The following KPNA7 variants were observed in gnomAD, a reference collection of about 807,000 sequenced individuals.
KPNA7 encodes the protein importin subunit alpha-8.
In KPNA7, 54 loss-of-function variants were observed where a neutral mutation model predicts 53.7. The observed-to-expected ratio is 1.01, with a 90% CI of 0.81 to 1.26. The LOEUF (loss-of-function observed/expected upper bound fraction) is 1.26. Ranked by LOEUF, KPNA7 falls within the 50% of genes most tolerant of loss-of-function variation. The pLI is 0.00. For synonymous variants in KPNA7, 276 were observed against 259.3 expected, an observed-to-expected ratio of 1.06 and a Z score of -0.62; for missense variants, 640 against 644.5, an observed-to-expected ratio of 0.99 and a Z score of 0.07.
chr7:99,183,895 G>T (rs901226212), intron 8 of KPNA7, among the ~76,000 whole-genome samples: 75 of 152,088 alleles, frequency 4.9e-4, no homozygotes, highest in African/African-American at 1.8e-3. Flanking sequence ...GCCCAGGCTG[G>T]AGTATAGTGG....
the KPNA7 span, among the ~76,000 whole-genome samples, chr7:99,148,462 G>A: frequency 2.6e-5 from 4 of 152,226 alleles, no homozygotes; most frequent in South Asian, 8.3e-4. Flanking sequence ...GGAAACTCTG[G>A]ACTCCTTCCT....
At chr7:99,167,613 C>CCTT in the KPNA7 span, among the ~76,000 whole-genome samples, 1 of 67,040 alleles carries the variant, frequency 1.5e-5, no homozygotes, top group African/African-American at 6.6e-5. Flanking sequence ...TCACACCCAA[C>CCTT]TTTTTTTTTT....
chr7:99,197,424 A>G (rs1342101203), intron 3 of KPNA7, among the ~76,000 whole-genome samples: 4 of 152,248 alleles, frequency 2.6e-5, no homozygotes, highest in African/African-American at 4.8e-5. Context: ...AGTTTTCAAC[A>G]AAGATTGTGA....
chr7:99,179,288 G>C (rs143039220), intron 9 of KPNA7, among the ~76,000 whole-genome samples: 1 of 152,226 alleles, frequency 6.6e-6, no homozygotes, highest in Non-Finnish European at 1.5e-5. Flanking sequence ...TGGACACAGT[G>C]GCCCATTCCT....
chr7:99,206,993 A>G (rs374852507), intron 2 of KPNA7, among the ~76,000 whole-genome samples: 4 of 152,156 alleles, frequency 2.6e-5, no homozygotes, highest in East Asian at 3.9e-4. Flanking sequence ...ATCTTTTGCT[A>G]TATTTGCCTT....
chr7:99,184,154 CTTTTT>C (rs34193595), intron 8 of KPNA7, among the ~76,000 whole-genome samples: 2 of 125,240 alleles, frequency 1.6e-5, no homozygotes, highest in Admixed American at 8.6e-5. Context: ...TGCCCACAAC[CTTTTT>C]TTTTTTTTTT....
chr7:99,181,652 G>A (rs546328137), intron 9 of KPNA7, among the ~76,000 whole-genome samples: 3 of 152,182 alleles, frequency 2.0e-5, no homozygotes, highest in East Asian at 3.9e-4. Context: ...GGTTTCAAGC[G>A]ATTCTCCCAC....
chr7:99,173,829 G>A (rs1197700502), intron 10 of KPNA7, 35 bp from the exon 11 acceptor site: 1 of 1,260,752 alleles, frequency 7.9e-7, no homozygotes, highest in African/African-American at 1.5e-5. Flanking sequence ...ATACCTCCAG[G>A]ATTCTCAGCA....
chr7:99,185,695 C>G (rs2150727215), intron 7 of KPNA7, among the ~76,000 whole-genome samples: 1 of 152,256 alleles, frequency 6.6e-6, no homozygotes, highest in South Asian at 2.1e-4. Flanking sequence ...TCAAGTGGGA[C>G]AGAAATACCC....
intron 10 of KPNA7, 142 bp from the exon 11 acceptor site, chr7:99,173,936 G>A (rs1010295396): frequency 6.0e-5 from 35 of 586,516 alleles, no homozygotes; most frequent in Non-Finnish European, 7.3e-5. Flanking sequence ...AAGTACATTC[G>A]CATTGTTGCG....
intron 6 of KPNA7, among the ~76,000 whole-genome samples, chr7:99,192,326 C>A (rs1789998307): frequency 6.6e-6 from 1 of 152,176 alleles, no homozygotes; most frequent in Non-Finnish European, 1.5e-5. Context: ...TCTTCCAATG[C>A]CGCAAAGAGA....
chr7:99,183,913 G>A (rs556128330), intron 8 of KPNA7, among the ~76,000 whole-genome samples: 12 of 152,030 alleles, frequency 7.9e-5, no homozygotes, highest in East Asian at 1.9e-4. Context: ...TGGCATGATC[G>A]TGGCTCACTG....
chr7:99,206,985 CT>C (rs2150777929), intron 2 of KPNA7, among the ~76,000 whole-genome samples: 1 of 152,146 alleles, frequency 6.6e-6, no homozygotes, highest in East Asian at 1.9e-4. Flanking sequence ...TCTAAAGAAT[CT>C]TTTGCTATAT....
upstream of KPNA7, among the ~76,000 whole-genome samples, chr7:99,208,255 TTTTA>T (rs760070522): frequency 7.9e-5 from 12 of 151,516 alleles, no homozygotes; most frequent in East Asian, 3.9e-4. Context: ...TTTTTATTTA[TTTTA>T]TTTATTTATT....
In KPNA7 at chr7:99,207,454, C is replaced by G. The variant is rs1469867589; in HGVS notation, c.13G>C (p.Asp5His). The G allele has an allele frequency of 6.4e-7, 1 of 1,551,196 alleles. No homozygotes were observed. Among genetic ancestry groups the G allele is most frequent in the African/African-American group, 1.4e-5 (1 of 72,942 alleles). MPTL[D>H]APEERRRKFK... ...TTTCTCCGCCTCTCTTCTGGAGCATCTAAGGTCGGCATATTGACTGGAAGT... is the reference window on the plus strand; with the variant it reads ...TTTCTCCGCCTCTCTTCTGGAGCATGTAAGGTCGGCATATTGACTGGAAGT... Residue 5 changes from aspartate (D) to histidine (H), a missense_variant, in exon 2 of 11, where the codon GAT (aspartate) becomes CAT (histidine). Asp to His is a moderately conservative substitution (Grantham distance 81). Transcript: ENST00000327442.
intron 9 of KPNA7, among the ~76,000 whole-genome samples, chr7:99,179,708 C>A (rs1025430344): frequency 6.6e-6 from 1 of 151,816 alleles, no homozygotes; most frequent in Non-Finnish European, 1.5e-5. Flanking sequence ...CCTCAGCCTC[C>A]CGAGTAGCTG....
chr7:99,214,514 G>A (rs991829454), intron 1 of KPNA7, among the ~76,000 whole-genome samples: 1 of 149,058 alleles, frequency 6.7e-6, no homozygotes, highest in African/African-American at 2.5e-5. Flanking sequence ...TGTAGTCCCA[G>A]CTACTTGGGA....
At chr7:99,188,027 G>A (rs1789708478) in intron 7 of KPNA7, among the ~76,000 whole-genome samples, 2 of 150,794 alleles carry the variant, frequency 1.3e-5, no homozygotes, top group Non-Finnish European at 3.0e-5. Flanking sequence ...AATACAAAAT[G>A]AGCCGGGCGT....
chr7:99,157,561 T>C, the KPNA7 span, among the ~76,000 whole-genome samples: 1 of 152,296 alleles, frequency 6.6e-6, no homozygotes, highest in African/African-American at 2.4e-5. Context: ...GAGCCCAGGT[T>C]GATTTTTCAG....
Sources: allele counts gnomAD v4.1 joint callset (sites outside exome capture counted in the v4.1 genomes callset), GRCh38; gene constraint gnomAD v4.1.1; transcripts MANE v1.5; gene names NCBI Gene and HGNC (gene_info 2026-07-23, HGNC 2026-07-21).